The following TBC1D19 variants were observed in gnomAD, a reference collection of about 807,000 sequenced individuals.
The protein encoded by TBC1D19 is TBC1 domain family, member 19.
A neutral mutation model predicts 89.0 loss-of-function variants in TBC1D19; 60 were observed. The ratio of observed to expected loss-of-function variants is 0.67; its 90% confidence interval spans 0.55 to 0.84. TBC1D19 has a LOEUF of 0.84. Ranked by LOEUF, TBC1D19 falls within the 40% of genes least tolerant of loss-of-function variation. The pLI is 0.00. For synonymous variants in TBC1D19, 189 were observed against 199.7 expected (o/e 0.95, Z 0.45); for missense variants, 500 against 610.8 (o/e 0.82, Z 1.91).
chr4:26,785,179 A>T, the TBC1D19 span, among the ~76,000 whole-genome samples: 1 of 152,212 alleles, frequency 6.6e-6, no homozygotes, highest in African/African-American at 2.4e-5. Flanking sequence ...TTGACATGGC[A>T]TTGGTAGTTT....
At chr4:26,656,987 T>TCTCCTTCTCCTTCTCCTTCTC (rs59399936) in intron 7 of TBC1D19, among the ~76,000 whole-genome samples, 3,654 of 17,946 alleles carry the variant, frequency 0.2, 680 homozygotes, top group East Asian at 0.36. Context: ...TTCTTCTTCT[T>TCTCCTTCTCCTTCTCCTTCTC]CTTCTCCTTC....
chr4:26,804,703 A>G, the TBC1D19 span, among the ~76,000 whole-genome samples: 1 of 152,150 alleles, frequency 6.6e-6, no homozygotes, highest in African/African-American at 2.4e-5. Flanking sequence ...CGGGTTTGCC[A>G]GGACTCCCTA....
chr4:26,614,359 A>G (rs1332599830), intron 2 of TBC1D19, 49 bp from the exon 3 acceptor site: 4 of 1,287,658 alleles, frequency 3.1e-6, no homozygotes, highest in Non-Finnish European at 3.2e-6. Flanking sequence ...ATGTATGTTT[A>G]CTTAAAAACT....
the TBC1D19 span, among the ~76,000 whole-genome samples, chr4:26,770,992 T>C: frequency 1.3e-5 from 1 of 79,774 alleles, no homozygotes; most frequent in African/African-American, 4.5e-5. Context: ...GTACTATAAA[T>C]ACCAATATTA....
At chr4:26,577,978 C>A (rs1208845408) in intron 1 of TBC1D19, among the ~76,000 whole-genome samples, 1 of 152,132 alleles carries the variant, frequency 6.6e-6, no homozygotes, top group Non-Finnish European at 1.5e-5. Context: ...TTAGTGCAGT[C>A]TTTGTCTTTT....
chr4:26,603,893 C>T (rs975853423), intron 1 of TBC1D19, among the ~76,000 whole-genome samples: 7 of 151,988 alleles, frequency 4.6e-5, no homozygotes, highest in African/African-American at 1.7e-4. Flanking sequence ...TGCAGCCATC[C>T]TCACCATCCA....
chr4:26,806,882 C>G, the TBC1D19 span, among the ~76,000 whole-genome samples: 1 of 152,198 alleles, frequency 6.6e-6, no homozygotes, highest in Non-Finnish European at 1.5e-5. Context: ...TGGTAAATGC[C>G]AGAAGCTAGG....
chr4:26,709,433 A>G (rs1490726681), intron 13 of TBC1D19, among the ~76,000 whole-genome samples: 1 of 152,056 alleles, frequency 6.6e-6, no homozygotes, highest in Non-Finnish European at 1.5e-5. Flanking sequence ...CAATCAAGGG[A>G]AGTTCAACAA....
intron 13 of TBC1D19, among the ~76,000 whole-genome samples, chr4:26,698,457 A>G (rs1425084216): frequency 6.6e-6 from 1 of 152,234 alleles, no homozygotes; most frequent in African/African-American, 2.4e-5. Context: ...TTATAGATTC[A>G]GTGCCACCCC....
In TBC1D19 at chr4:26,742,568, T is replaced by C. The variant is rs779665848; in HGVS notation, c.1288T>C (p.Phe430Leu). Residue 430 changes from phenylalanine (F) to leucine (L), a missense_variant, in exon 18 of 21, where the codon TTT becomes CTT. By Grantham distance (22) the Phe-to-Leu change is conservative (BLOSUM62 0). Coordinates refer to ENST00000264866, the MANE Select transcript of TBC1D19 (RefSeq NM_018317.4). ...TLLQTYLPQL[F>L]YHLREIGAQP... is the part of the protein sequence containing the mutation. ...TCTTCAAACTTATCTTCCCCAACTCTTTTATCATCTACGAGAAATTGGGGC... is the reference window on the plus strand; with the variant it reads ...TCTTCAAACTTATCTTCCCCAACTCCTTTATCATCTACGAGAAATTGGGGC... The C allele has an allele frequency of 1.2e-6, 2 of 1,612,354 alleles. No individual in the cohort carries two copies. Among genetic ancestry groups the C allele is most frequent in the Admixed American group, 1.7e-5 (1 of 60,000 alleles).
chr4:26,584,032 G>T, upstream of TBC1D19: 1 of 668,436 alleles, frequency 1.5e-6, no homozygotes, highest in Non-Finnish European at 2.6e-6. Context: ...GACCAGAGAG[G>T]GACGGACACA....
At chr4:26,669,403 A>G (rs1185228397) in intron 9 of TBC1D19, among the ~76,000 whole-genome samples, 4 of 151,830 alleles carry the variant, frequency 2.6e-5, no homozygotes. Context: ...TGCATCTTCC[A>G]AGATCATTTT....
intron 11 of TBC1D19, among the ~76,000 whole-genome samples, chr4:26,682,806 C>T (rs1323456858): frequency 6.6e-6 from 1 of 152,160 alleles, no homozygotes; most frequent in Non-Finnish European, 1.5e-5. Flanking sequence ...CCCTCCTCCC[C>T]CTTCTTCCTT....
chr4:26,705,043 C>G (rs1475805788), intron 13 of TBC1D19, among the ~76,000 whole-genome samples: 1 of 152,058 alleles, frequency 6.6e-6, no homozygotes. Context: ...TTTTCTTGTG[C>G]TCATTAACCA....
intron 13 of TBC1D19, among the ~76,000 whole-genome samples, chr4:26,707,085 C>A (rs1438834122): frequency 6.6e-6 from 1 of 151,914 alleles, no homozygotes; most frequent in East Asian, 1.9e-4. Flanking sequence ...CATGTAAATA[C>A]TTCATTTCCT....
At chr4:26,616,507 G>T (rs978060417) in intron 3 of TBC1D19, among the ~76,000 whole-genome samples, 6 of 152,108 alleles carry the variant, frequency 3.9e-5, no homozygotes, top group Admixed American at 6.6e-5. Context: ...TTTTTCATTG[G>T]CAGCAACCAT....
intron 12 of TBC1D19, among the ~76,000 whole-genome samples, chr4:26,684,610 A>G (rs1713648891): frequency 6.6e-6 from 1 of 152,216 alleles, no homozygotes; most frequent in South Asian, 2.1e-4. Flanking sequence ...TGTAGCTAAC[A>G]CTTTATGTGT....
intron 4 of TBC1D19, among the ~76,000 whole-genome samples, chr4:26,629,309 T>C (rs1742641579): frequency 6.6e-6 from 1 of 152,030 alleles, no homozygotes; most frequent in African/African-American, 2.4e-5. Context: ...AGATCTCAGA[T>C]ACTCAGGTAC....
At chr4:26,641,994 G>A (rs1743576442) in intron 7 of TBC1D19, among the ~76,000 whole-genome samples, 1 of 152,162 alleles carries the variant, frequency 6.6e-6, no homozygotes, top group Admixed American at 6.5e-5. Flanking sequence ...GAACCAAGCT[G>A]GAAAACACTC....
Sources: gnomAD v4.1 joint callset for allele counts (sites outside exome capture counted in the v4.1 genomes callset) on GRCh38, gnomAD v4.1.1 for gene constraint, MANE v1.5 for transcripts, NCBI Gene and HGNC (gene_info 2026-07-23, HGNC 2026-07-21) for gene names.